IK: variants seen among roughly 807,000 people sequenced by gnomAD.
IK encodes protein Red.
In IK, 47 loss-of-function variants were observed where a neutral mutation model predicts 90.9. That is an observed-to-expected ratio of 0.52 (90% CI 0.41 to 0.66). The LOEUF (loss-of-function observed/expected upper bound fraction) is 0.66, where lower values mean the gene tolerates loss of function less well. Ranked by LOEUF, IK falls within the 30% of genes least tolerant of loss-of-function variation. The pLI is 0.00. For missense variants in IK, 385 were observed against 709.3 expected, an observed-to-expected ratio of 0.54 and a Z score of 5.19; for synonymous variants, 201 against 227.5, an observed-to-expected ratio of 0.88 and a Z score of 1.05.
rs751849375 is a variant in IK at position 140,659,060 on chromosome 5, C to T, written c.1072C>T (p.Arg358Ter). The T allele has an allele frequency of 1.9e-6, 3 of 1,610,624 alleles. No homozygotes were observed. The highest frequency in any genetic ancestry group is 2.5e-6 in the Non-Finnish European group (3 of 1,177,168). ...RERDRDRDRERERERDRERER... is the reference protein window; with the variant it reads ...RERDRDRDRE The stretch of plus-strand genomic sequence containing the variant: ...AAGAGACAGAGACCGTGACCGAGAG[C>T]GAGAGCGAGAACGAGATCGGGAACG... The change falls in exon 12 of 20, where the codon CGA becomes TGA. Residue 358 changes from arginine (R) to a stop codon, truncating the protein, a stop_gained. Transcript: ENST00000417647. LOFTEE classifies it high-confidence loss of function.
At chr5:140,648,042 GTGTATGTATGTA>G (rs753149634) in intron 1 of IK, 118 bp downstream of exon 1, 13 of 471,456 alleles carry the variant, frequency 2.8e-5, no homozygotes, top group African/African-American at 6.3e-5. Context: ...GTGTGTGTGT[GTGTATGTATGTA>G]TGTGTGACGC....
chr5:140,648,883 G>A, intron 2 of IK: 1 of 285,662 alleles, frequency 3.5e-6, no homozygotes, highest in South Asian at 3.1e-5. Flanking sequence ...TGTTGCTCAG[G>A]CTGGAATGCA....
Position 140,660,827 on chromosome 5 carries a change from G to C in IK, c.1413+12G>C, listed in dbSNP as rs1042999615. The C allele has an allele frequency of 3.1e-6, 5 of 1,607,660 alleles. No homozygotes were observed. The highest frequency in any genetic ancestry group is 4.3e-6 in the Non-Finnish European group (5 of 1,174,332). On this transcript the variant is annotated intron_variant, in intron 16 of 19. Coordinates refer to ENST00000417647, the MANE Select transcript of IK (RefSeq NM_006083.4). The stretch of plus-strand genomic sequence containing the variant: ...GCAAAATGGACCAGGTATGTAGTTA[G>C]AAGGATGGTGGGCGCCTTTGGGCAG...
intron 2 of IK, among the ~76,000 whole-genome samples, chr5:140,651,328 A>G (rs1012110626): frequency 1.3e-5 from 2 of 151,532 alleles, no homozygotes; most frequent in African/African-American, 2.4e-5. Context: ...ATTCCCAGCT[A>G]CTTGTGAGGC....
intron 2 of IK, chr5:140,648,783 A>G (rs953267116): frequency 1.4e-5 from 7 of 494,896 alleles, no homozygotes; most frequent in African/African-American, 5.9e-5. Context: ...TACACATTAT[A>G]TAGGAATTAC....
In IK at chr5:140,655,887, C is replaced by T; in HGVS notation, c.696C>T (p.Phe232=). The change falls in exon 9 of 20, where the codon TTC becomes TTT. Residue 232 remains phenylalanine, a synonymous_variant. Transcript: ENST00000417647. ...KSKAYERNEL[F]LPGRMAYVVD... is the part of the protein sequence containing the mutation. Reference sequence around the variant, plus strand: ...AAGCATATGAGCGGAATGAGTTGTTCCTGCCGGGCCGCATGGCCTATGTGG... The same window carrying T: ...AAGCATATGAGCGGAATGAGTTGTTTCTGCCGGGCCGCATGGCCTATGTGG... 1.0e-5 allele frequency: 16 copies of T among 1,603,936 alleles called. No individual in the cohort carries two copies. The highest frequency in any genetic ancestry group is 1.3e-5 in the Non-Finnish European group (15 of 1,174,768).
At chr5:140,650,393 T>G (rs1757595083) in intron 2 of IK, among the ~76,000 whole-genome samples, 1 of 152,154 alleles carries the variant, frequency 6.6e-6, no homozygotes, top group Non-Finnish European at 1.5e-5. Flanking sequence ...GGAAGAGCCC[T>G]AGTCAGAAGA....
chr5:140,657,984 C>T (rs762791932), intron 10 of IK, among the ~76,000 whole-genome samples: 11 of 152,214 alleles, frequency 7.2e-5, no homozygotes, highest in Non-Finnish European at 1.2e-4. Context: ...AATACTTGAC[C>T]GACATTTTAT....
At chr5:140,656,940 G>A (rs1229949250) in intron 9 of IK, among the ~76,000 whole-genome samples, 2 of 152,178 alleles carry the variant, frequency 1.3e-5, no homozygotes, top group East Asian at 3.8e-4. Context: ...GCTGGGTGCA[G>A]TGGCTCACAC....
At position 140,648,025 on chromosome 5, in the gene IK, T is replaced by TGG. The variant is rs1441753748; in HGVS notation, c.16+102_16+103insGG. 4.1e-4 allele frequency: 414 copies of TGG among 1,010,290 alleles called. 1 individual carries two copies. Among genetic ancestry groups the TGG allele is most frequent in the South Asian group, 2.4e-3 (187 of 77,818 alleles). The allele number at this position is 1,010,290 out of a possible 1,614,324, so 62.6% of individuals were successfully genotyped here. ...TAAGCCGGGTGTGTGTGTGTGTGTG[T>TGG]GTGTGTGTGTGTGTGTGTGTATGTA... On this transcript the variant is annotated intron_variant, in intron 1 of 19. Transcript: ENST00000417647.
At chr5:140,648,194 C>T in intron 1 of IK, 1 of 704,450 alleles carries the variant, frequency 1.4e-6, no homozygotes, top group Non-Finnish European at 2.6e-6. Flanking sequence ...AGTCCTGTCC[C>T]CATACTTAAT....
intron 6 of IK, 115 bp downstream of exon 6, chr5:140,654,167 A>T: frequency 3.0e-6 from 2 of 670,062 alleles, no homozygotes; most frequent in Non-Finnish European, 5.3e-6. Flanking sequence ...AAGAAGGGCT[A>T]AAGATGGCCC....
intron 1 of IK, 163 bp downstream of exon 1, chr5:140,648,087 G>T: frequency 1.2e-6 from 1 of 856,496 alleles, no homozygotes. Flanking sequence ...AAGCCACAGG[G>T]TCCTAAGTGA....
At position 140,652,834 on chromosome 5, in the gene IK, T is replaced by G. The variant is rs1044460108; in HGVS notation, c.237-143T>G. On this transcript the variant is annotated intron_variant, in intron 4 of 19. Coordinates refer to ENST00000417647, the MANE Select transcript of IK (RefSeq NM_006083.4). The stretch of plus-strand genomic sequence containing the variant: ...CTGATTTTGAGTAACTACGAAGAGG[T>G]GGCCAGCAGTTCTATCAGGACAGAC... The G allele has an allele frequency of 3.6e-5, 24 of 669,124 alleles. No individual in the cohort carries two copies. The African/African-American group carries it at 4.4e-4, about 12-fold the overall frequency. 41.4% of individuals were successfully genotyped at this position (669,124 alleles called of 1,614,324 possible). A position where few individuals can be genotyped will look rare whatever the true frequency, so the allele number is the denominator to read the frequency against.
At chr5:140,651,940 C>A in intron 3 of IK, 134 bp downstream of exon 3, 1 of 817,426 alleles carries the variant, frequency 1.2e-6, no homozygotes, top group Non-Finnish European at 2.1e-6. Flanking sequence ...AACTGCCCAC[C>A]TACAAATATT....
rs752544653 is a variant in IK, at chr5:140,654,600, A to G, written c.590+14A>G. 2 of 1,586,638 alleles carry G rather than the reference A, an allele frequency of 1.3e-6. No homozygotes were observed. Among genetic ancestry groups the G allele is most frequent in the Non-Finnish European group, 1.7e-6 (2 of 1,164,722 alleles). ...GAAAGAAACCAAGTAAGTAAATATT[A>G]TGGAAAGGTTGAGAATTTAGAAAGG... On this transcript the variant is annotated intron_variant, in intron 7 of 19. Coordinates refer to ENST00000417647, the MANE Select transcript of IK (RefSeq NM_006083.4).
intron 15 of IK, 94 bp downstream of exon 15, chr5:140,660,289 CTTCTT>C (rs752244319): frequency 1.1e-4 from 30 of 282,606 alleles, no homozygotes; most frequent in East Asian, 2.0e-4. Context: ...CCCAGGGCTA[CTTCTT>C]TTTTTTTTTT....
At chr5:140,654,853 T>C in intron 8 of IK, 126 bp downstream of exon 8, 2 of 715,092 alleles carry the variant, frequency 2.8e-6, no homozygotes, top group Non-Finnish European at 4.7e-6. Context: ...TTTGAGACAG[T>C]GTCTCACTTA....
At chr5:140,650,380 C>T in intron 2 of IK, among the ~76,000 whole-genome samples, 1 of 152,034 alleles carries the variant, frequency 6.6e-6, no homozygotes, top group Non-Finnish European at 1.5e-5. Context: ...GTCAGCAGGC[C>T]AAGGAAGAGC....
Sources: gnomAD v4.1 joint callset for allele counts (sites outside exome capture counted in the v4.1 genomes callset) on GRCh38, gnomAD v4.1.1 for gene constraint, MANE v1.5 for transcripts, NCBI Gene and HGNC (gene_info 2026-07-23, HGNC 2026-07-21) for gene names.